FHIP1A: variants seen among roughly 807,000 people sequenced by gnomAD.
FHIP1A encodes FHF complex subunit HOOK-interacting protein 1A.
In FHIP1A, 61 loss-of-function variants were observed where a neutral mutation model predicts 88.6. That is an observed-to-expected ratio of 0.69 (90% CI 0.56 to 0.85). FHIP1A has a LOEUF of 0.85. Ranked by LOEUF, FHIP1A falls within the 40% of genes least tolerant of loss-of-function variation. FHIP1A has a pLI of 0.00. For synonymous variants in FHIP1A, 478 were observed against 496.0 expected, an observed-to-expected ratio of 0.96 and a Z score of 0.48; for missense variants, 1,154 against 1,273.5, an observed-to-expected ratio of 0.91 and a Z score of 1.43.
chr4:151,655,037 T>A (rs1268280204), intron 11 of FHIP1A, among the ~76,000 whole-genome samples: 1 of 152,202 alleles, frequency 6.6e-6, no homozygotes. Flanking sequence ...GAGCTTCTGT[T>A]CCTTGCAAAG....
intron 4 of FHIP1A, among the ~76,000 whole-genome samples, chr4:151,567,158 T>C (rs1273526082): frequency 6.6e-6 from 1 of 152,222 alleles, no homozygotes; most frequent in Non-Finnish European, 1.5e-5. Context: ...ATTCCGCCCC[T>C]TTCCTTAGGG....
intron 5 of FHIP1A, among the ~76,000 whole-genome samples, chr4:151,581,219 G>A (rs1365723298): frequency 6.6e-6 from 1 of 152,134 alleles, no homozygotes; most frequent in Admixed American, 6.5e-5. Context: ...GGATACATAT[G>A]TATACAGTAG....
At chr4:151,596,831 T>C (rs1417022989) in intron 7 of FHIP1A, among the ~76,000 whole-genome samples, 2 of 152,198 alleles carry the variant, frequency 1.3e-5, no homozygotes, top group Non-Finnish European at 1.5e-5. Flanking sequence ...TTGATGCTTG[T>C]GTATGCTTCA....
At chr4:151,536,598 T>G (rs778125546) in intron 3 of FHIP1A, among the ~76,000 whole-genome samples, 29 of 152,216 alleles carry the variant, frequency 1.9e-4, no homozygotes, top group Non-Finnish European at 3.8e-4. Flanking sequence ...CTCAGCATAA[T>G]TCCCTGCAGA....
intron 11 of FHIP1A, among the ~76,000 whole-genome samples, chr4:151,651,769 A>G (rs1023759532): frequency 6.6e-6 from 1 of 152,228 alleles, no homozygotes; most frequent in Non-Finnish European, 1.5e-5. Context: ...CTCCTCCTCC[A>G]GTATTTATTC....
At chr4:151,650,816 T>TA (rs1458845095) in intron 11 of FHIP1A, among the ~76,000 whole-genome samples, 1 of 152,254 alleles carries the variant, frequency 6.6e-6, no homozygotes, top group Non-Finnish European at 1.5e-5. Context: ...TTTTATTACT[T>TA]AGTAACTTCT....
At chr4:151,498,995 G>T (rs2126659093) in intron 3 of FHIP1A, among the ~76,000 whole-genome samples, 2 of 152,306 alleles carry the variant, frequency 1.3e-5, no homozygotes, top group Middle Eastern at 6.8e-3. Flanking sequence ...TGTTAAGACA[G>T]ATTTAAACAG....
Position 151,588,074 on chromosome 4 carries a change from G to T in FHIP1A, c.892-766G>T, listed in dbSNP as rs569449328. 8.6e-5 allele frequency among the ~76,000 whole-genome samples: 13 copies of T among 151,914 alleles called. No individual in the cohort carries two copies. In the South Asian group the frequency reaches 2.7e-3, roughly 32 times the overall value. ...AAAGAAAGAGAAATAAAGCTAATGG[G>T]CATGGTAAGAACAGGGAAATTATAT... On this transcript the variant is annotated intron_variant, in intron 6 of 13. Coordinates refer to ENST00000435205, the MANE Select transcript of FHIP1A (RefSeq NM_001109977.3).
intron 7 of FHIP1A, among the ~76,000 whole-genome samples, chr4:151,595,484 G>T (rs996510599): frequency 2.3e-4 from 35 of 152,142 alleles, no homozygotes; most frequent in African/African-American, 8.2e-4. Context: ...GTGCTGAGAA[G>T]AATGTATATT....
chr4:151,521,820 G>A (rs1731456993), intron 3 of FHIP1A, among the ~76,000 whole-genome samples: 1 of 152,134 alleles, frequency 6.6e-6, no homozygotes, highest in African/African-American at 2.4e-5. Flanking sequence ...GGCCTCCCAG[G>A]TTCAAGTGAT....
At chr4:151,590,705 G>C (rs1200659598) in intron 7 of FHIP1A, among the ~76,000 whole-genome samples, 4 of 152,192 alleles carry the variant, frequency 2.6e-5, no homozygotes, top group African/African-American at 9.7e-5. Flanking sequence ...CTGGCACTTA[G>C]TACCTTCCCA....
At chr4:151,456,951 T>C (rs966050341) in intron 2 of FHIP1A, among the ~76,000 whole-genome samples, 2 of 152,150 alleles carry the variant, frequency 1.3e-5, no homozygotes, top group African/African-American at 4.8e-5. Context: ...TTTACAGTAT[T>C]ATTGTGATTA....
At chr4:151,620,557 A>G (rs1390135628) in intron 7 of FHIP1A, among the ~76,000 whole-genome samples, 2 of 152,174 alleles carry the variant, frequency 1.3e-5, no homozygotes, top group Non-Finnish European at 2.9e-5. Context: ...AAATAATAGA[A>G]GTTAGCTGAC....
chr4:151,538,627 A>G (rs1194210770), intron 3 of FHIP1A, among the ~76,000 whole-genome samples: 1 of 152,180 alleles, frequency 6.6e-6, no homozygotes, highest in Non-Finnish European at 1.5e-5. Context: ...GTGGTTGGGT[A>G]CTTCTGCAAA....
chr4:151,485,279 C>T (rs1326845699), intron 3 of FHIP1A, among the ~76,000 whole-genome samples: 3 of 114,110 alleles, frequency 2.6e-5, no homozygotes, highest in African/African-American at 1.1e-4. Context: ...TGGATCTTTT[C>T]CAGTTTTTTT....
chr4:151,531,187 G>A (rs1385563731), intron 3 of FHIP1A, among the ~76,000 whole-genome samples: 1 of 151,812 alleles, frequency 6.6e-6, no homozygotes, highest in Non-Finnish European at 1.5e-5. Context: ...TTTCAAATAG[G>A]GTGAAGTGTG....
At chr4:151,651,601 G>A (rs1030431984) in intron 11 of FHIP1A, among the ~76,000 whole-genome samples, 5 of 152,204 alleles carry the variant, frequency 3.3e-5, no homozygotes, top group East Asian at 1.9e-4. Flanking sequence ...GATACTGGGA[G>A]GTCATTATTC....
chr4:151,614,935 C>T (rs1735464092), intron 7 of FHIP1A, among the ~76,000 whole-genome samples: 1 of 152,106 alleles, frequency 6.6e-6, no homozygotes, highest in Admixed American at 6.5e-5. Context: ...TAATGAATTT[C>T]ACCTCTTTCT....
chr4:151,542,549 T>A (rs1732335453), intron 3 of FHIP1A, among the ~76,000 whole-genome samples: 1 of 152,184 alleles, frequency 6.6e-6, no homozygotes, highest in East Asian at 1.9e-4. Flanking sequence ...TCATGCCAAC[T>A]TATCCCATGT....
Sources: gnomAD v4.1 joint callset for allele counts (sites outside exome capture counted in the v4.1 genomes callset) on GRCh38, gnomAD v4.1.1 for gene constraint, MANE v1.5 for transcripts, NCBI Gene and HGNC (gene_info 2026-07-23, HGNC 2026-07-21) for gene names.